Variants in NKAIN2 observed in about 807,000 individuals in gnomAD.
NKAIN2 encodes the protein sodium/potassium transporting ATPase interacting 2.
NKAIN2 carries 14 observed loss-of-function variants against 32.6 expected under a neutral mutation model. The ratio of observed to expected loss-of-function variants is 0.43; its 90% CI spans 0.28 to 0.67. The LOEUF is 0.67. Ranked by LOEUF, NKAIN2 falls within the 30% of genes least tolerant of loss-of-function variation. NKAIN2 has a pLI of 0.17. For missense variants in NKAIN2, 198 were observed against 258.3 expected (o/e 0.77, Z 1.60); for synonymous variants, 80 against 87.2 (o/e 0.92, Z 0.46).
At chr6:124,721,313 A>G (rs974616021) in intron 4 of NKAIN2, among the ~76,000 whole-genome samples, 4 of 150,966 alleles carry the variant, frequency 2.6e-5, no homozygotes, top group Non-Finnish European at 5.9e-5. Context: ...CTGAGGCAGG[A>G]GAATGGCGTG....
chr6:124,133,358 T>C (rs1786573447), intron 1 of NKAIN2, among the ~76,000 whole-genome samples: 1 of 152,064 alleles, frequency 6.6e-6, no homozygotes, highest in South Asian at 2.1e-4. Flanking sequence ...GGCTGTGAGG[T>C]AAATGGCTTT....
intron 4 of NKAIN2, among the ~76,000 whole-genome samples, chr6:124,709,893 T>G (rs1015323817): frequency 6.6e-6 from 1 of 152,134 alleles, no homozygotes; most frequent in African/African-American, 2.4e-5. Flanking sequence ...TGTTTGCTCT[T>G]GCTTTTCTAA....
chr6:124,154,757 TC>T (rs1787900156), intron 1 of NKAIN2, among the ~76,000 whole-genome samples: 1 of 151,984 alleles, frequency 6.6e-6, no homozygotes, highest in African/African-American at 2.4e-5. Flanking sequence ...TCTAGGACCT[TC>T]TTGGAAATCA....
At chr6:124,084,152 T>C (rs1784093522) in intron 1 of NKAIN2, among the ~76,000 whole-genome samples, 3 of 151,858 alleles carry the variant, frequency 2.0e-5, no homozygotes, top group South Asian at 2.1e-4. Context: ...AAGGAACAGA[T>C]TGGAGTGGAT....
At chr6:124,750,342 T>G (rs1430502621) in intron 4 of NKAIN2, among the ~76,000 whole-genome samples, 4 of 151,858 alleles carry the variant, frequency 2.6e-5, no homozygotes, top group Non-Finnish European at 4.4e-5. Context: ...ACTGTGTATA[T>G]TTAGCACTAT....
At chr6:124,022,912 A>C (rs1489931135) in intron 1 of NKAIN2, among the ~76,000 whole-genome samples, 1 of 151,950 alleles carries the variant, frequency 6.6e-6, no homozygotes, top group Non-Finnish European at 1.5e-5. Flanking sequence ...CATTTTTATT[A>C]TTACACTTGT....
intron 4 of NKAIN2, among the ~76,000 whole-genome samples, chr6:124,748,251 C>T (rs138357834): frequency 6.6e-6 from 1 of 152,120 alleles, no homozygotes; most frequent in African/African-American, 2.4e-5. Context: ...TGTTGGTTTA[C>T]ACAGCCCCAT....
intron 1 of NKAIN2, among the ~76,000 whole-genome samples, chr6:123,961,893 A>C (rs1777867789): frequency 6.6e-6 from 1 of 152,176 alleles, no homozygotes; most frequent in Non-Finnish European, 1.5e-5. Context: ...TCAGAGATAA[A>C]TTTATAGCAT....
intron 3 of NKAIN2, among the ~76,000 whole-genome samples, chr6:124,412,337 C>T (rs953557222): frequency 1.1e-4 from 17 of 152,110 alleles, no homozygotes; most frequent in African/African-American, 1.2e-4. Flanking sequence ...ATGATGGTGA[C>T]GTACAGATGG....
rs538168147 is a variant in NKAIN2 at position 124,535,988 on chromosome 6, C to A, written c.274-122198C>A. Among the ~76,000 whole-genome samples, 16 of 152,286 alleles carry A rather than the reference C, an allele frequency of 1.1e-4. No homozygotes were observed. In the South Asian group the frequency reaches 2.9e-3, roughly 28 times the overall value. ...GGGATGCCGATGAGCAATCTGCTGC[C>A]GATGGGCAGCTAGCCATGGCAGGTC... On this transcript the variant is annotated intron_variant, in intron 3 of 6. Transcript: ENST00000368417.
At chr6:123,831,814 T>A (rs1424408072) in intron 1 of NKAIN2, among the ~76,000 whole-genome samples, 1 of 151,870 alleles carries the variant, frequency 6.6e-6, no homozygotes, top group Non-Finnish European at 1.5e-5. Context: ...TGCTACCACG[T>A]CCTGCTAATT....
chr6:124,499,913 T>C (rs962622385), intron 3 of NKAIN2, among the ~76,000 whole-genome samples: 9 of 152,216 alleles, frequency 5.9e-5, no homozygotes, highest in African/African-American at 2.2e-4. Context: ...CTGAGTGTCT[T>C]TATGAATGTA....
intron 3 of NKAIN2, among the ~76,000 whole-genome samples, chr6:124,372,934 ATTG>A (rs1281468538): frequency 6.6e-6 from 1 of 152,176 alleles, no homozygotes; most frequent in African/African-American, 2.4e-5. Context: ...GAGTTTGGAT[ATTG>A]TTCTAAGTGT....
intron 2 of NKAIN2, among the ~76,000 whole-genome samples, chr6:124,328,499 A>G (rs955161153): frequency 6.6e-6 from 1 of 152,186 alleles, no homozygotes; most frequent in Non-Finnish European, 1.5e-5. Context: ...CCACACATGT[A>G]TCAGCTACCC....
At chr6:124,190,439 T>C (rs556605076) in intron 1 of NKAIN2, among the ~76,000 whole-genome samples, 1 of 152,342 alleles carries the variant, frequency 6.6e-6, no homozygotes, top group Admixed American at 6.5e-5. Context: ...TGGAGACTTA[T>C]TATCATGTAG....
intron 1 of NKAIN2, among the ~76,000 whole-genome samples, chr6:123,890,164 G>A (rs1256435205): frequency 6.6e-6 from 1 of 151,996 alleles, no homozygotes; most frequent in Admixed American, 6.6e-5. Flanking sequence ...ACATCCACTG[G>A]TGGAGTAGAC....
chr6:123,851,140 G>GGAATA (rs1392840996), intron 1 of NKAIN2, among the ~76,000 whole-genome samples: 4 of 151,772 alleles, frequency 2.6e-5, no homozygotes, highest in South Asian at 2.1e-4. Context: ...ATTGTGAATA[G>GGAATA]TGCTGCAGTG....
chr6:124,474,862 T>TTATATATATATATAA (rs1777126268), intron 3 of NKAIN2, among the ~76,000 whole-genome samples: 2 of 139,452 alleles, frequency 1.4e-5, no homozygotes, highest in Non-Finnish European at 3.1e-5. Flanking sequence ...CATATATATT[T>TTATATATATATATAA]TATATACATA....
At chr6:124,415,878 C>CTTTTTTTTTTTGTTTTTTTT (rs1774444479) in intron 3 of NKAIN2, among the ~76,000 whole-genome samples, 1 of 72,590 alleles carries the variant, frequency 1.4e-5, no homozygotes, top group Non-Finnish European at 2.6e-5. Flanking sequence ...TTTTTATTTG[C>CTTTTTTTTTTTGTTTTTTTT]TTTTTTTTTT....
Sources: gnomAD v4.1 joint callset for allele counts (sites outside exome capture counted in the v4.1 genomes callset) on GRCh38, gnomAD v4.1.1 for gene constraint, MANE v1.5 for transcripts, NCBI Gene and HGNC (gene_info 2026-07-23, HGNC 2026-07-21) for gene names.